CTXND1: variants seen among roughly 807,000 people sequenced by gnomAD.
CTXND1 encodes cortexin domain-containing 1 protein.
chr15:80,247,034 C>T (rs1046612872), intron 1 of CTXND1, among the ~76,000 whole-genome samples: 3 of 152,270 alleles, frequency 2.0e-5, no homozygotes, highest in Admixed American at 1.3e-4. Context: ...GTCAGTATTC[C>T]GCTTTCCATT....
chr15:80,230,796 C>A (rs1227422653), intron 1 of CTXND1, among the ~76,000 whole-genome samples: 2 of 151,888 alleles, frequency 1.3e-5, no homozygotes, highest in Non-Finnish European at 2.9e-5. Context: ...GTGGCTCATG[C>A]CTATAATCTC....
intron 1 of CTXND1, among the ~76,000 whole-genome samples, chr15:80,247,271 A>G (rs1376884348): frequency 1.3e-5 from 2 of 152,114 alleles, no homozygotes; most frequent in Admixed American, 1.3e-4. Context: ...CACCTTAGCA[A>G]CATTCCACGT....
At chr15:80,242,921 C>G (rs1210544668) in intron 1 of CTXND1, among the ~76,000 whole-genome samples, 1 of 152,166 alleles carries the variant, frequency 6.6e-6, no homozygotes, top group Admixed American at 6.5e-5. Flanking sequence ...CCATCTCATG[C>G]ATGTGTGGCT....
chr15:80,232,537 C>T (rs887392168), intron 1 of CTXND1, among the ~76,000 whole-genome samples: 99 of 152,164 alleles, frequency 6.5e-4, no homozygotes, highest in African/African-American at 2.4e-3. Flanking sequence ...GAGTGGAACA[C>T]CATGCATGAG....
At chr15:80,239,556 G>C (rs192192297) in intron 1 of CTXND1, among the ~76,000 whole-genome samples, 264 of 152,278 alleles carry the variant, frequency 1.7e-3, no homozygotes, top group African/African-American at 6.2e-3. Flanking sequence ...TCCTGCCCTC[G>C]AACATCTGAC....
chr15:80,240,197 T>G (rs1893549308), intron 1 of CTXND1, among the ~76,000 whole-genome samples: 1 of 152,164 alleles, frequency 6.6e-6, no homozygotes, highest in Admixed American at 6.5e-5. Context: ...ACTCCTGACC[T>G]CAGGTGATCC....
chr15:80,220,914 T>TA (rs200236896), intron 1 of CTXND1, among the ~76,000 whole-genome samples: 907 of 86,696 alleles, frequency 0.01, 9 homozygotes, highest in Middle Eastern at 0.052. Context: ...TTATTATTAT[T>TA]TTTTTTTTTT....
rs564354693 is a variant in CTXND1, at chr15:80,198,169, A to C, written c.*3601T>G. ...AGTGACCCACCACCGAGGTGTCTTC[A>C]TTGTCCCAAAGACCACTGCTGCAGA... On this transcript the variant is annotated 3_prime_UTR_variant, in exon 3 of 3. Coordinates refer to ENST00000560778, the MANE Select transcript of CTXND1 (RefSeq NM_001352888.2). The C allele has an allele frequency of 6.6e-6, 1 of 152,270 alleles. No individual in the cohort carries two copies. Among genetic ancestry groups the C allele is most frequent in the African/African-American group, 2.4e-5 (1 of 41,526 alleles). 9.4% of individuals were successfully genotyped at this position (152,270 alleles called of 1,614,324 possible). A position where few individuals can be genotyped will look rare whatever the true frequency, so the allele number is the denominator to read the frequency against.
At chr15:80,240,403 C>T (rs530081952) in intron 1 of CTXND1, among the ~76,000 whole-genome samples, 5 of 152,290 alleles carry the variant, frequency 3.3e-5, no homozygotes, top group South Asian at 2.1e-4. Context: ...TTCTGCCAGG[C>T]GTCCCAGATT....
intron 1 of CTXND1, among the ~76,000 whole-genome samples, chr15:80,224,071 G>A (rs1465866503): frequency 6.6e-6 from 1 of 152,182 alleles, no homozygotes; most frequent in African/African-American, 2.4e-5. Context: ...GAGCCGCCAT[G>A]TCAAGAATCA....
chr15:80,215,713 C>G (rs989923946), intron 1 of CTXND1, among the ~76,000 whole-genome samples: 1 of 152,168 alleles, frequency 6.6e-6, no homozygotes, highest in African/African-American at 2.4e-5. Flanking sequence ...CTAGGATCCA[C>G]AGCATTAGGG....
chr15:80,223,481 C>T lies in CTXND1; in HGVS notation c.-217-19741G>A, dbSNP rs1030438913. On this transcript the variant is annotated intron_variant, in intron 1 of 2. Transcript: ENST00000560778. ...CAACTAGTGGACATTTGGGTTGTTT[C>T]TAGTTTGGGACTATGATGAATAGTG... is the stretch of plus-strand genomic sequence containing the variant. Among the ~76,000 whole-genome samples the T allele has an allele frequency of 5.9e-5, 9 of 152,168 alleles. No individual in the cohort carries two copies. The South Asian group carries it at 1.9e-3, about 32-fold the overall frequency.
rs577431605 is a variant in CTXND1, at chr15:80,220,204, C to G, written c.-217-16464G>C. On this transcript the variant is annotated intron_variant, in intron 1 of 2. Transcript: ENST00000560778. ...ATCTATCTATATTAGAATTCTACAA[C>G]TTTGTTTTTCACATTTAGGTTTATA... 1.3e-4 allele frequency among the ~76,000 whole-genome samples: 20 copies of G among 151,826 alleles called. No homozygotes were observed. The South Asian group carries it at 3.7e-3, about 28-fold the overall frequency.
chr15:80,243,785 C>T (rs1893597310), intron 1 of CTXND1, among the ~76,000 whole-genome samples: 3 of 152,176 alleles, frequency 2.0e-5, no homozygotes, highest in Non-Finnish European at 4.4e-5. Flanking sequence ...TCCCTTCAGT[C>T]GTTGAGTCTC....
chr15:80,209,143 G>C (rs1422231818), intron 1 of CTXND1, among the ~76,000 whole-genome samples: 3 of 152,206 alleles, frequency 2.0e-5, no homozygotes, highest in African/African-American at 7.2e-5. Flanking sequence ...ACATATCCCA[G>C]GGGAGGATTA....
At chr15:80,238,305 C>T (rs560682406) in intron 1 of CTXND1, among the ~76,000 whole-genome samples, 11 of 152,138 alleles carry the variant, frequency 7.2e-5, no homozygotes, top group Non-Finnish European at 1.0e-4. Flanking sequence ...TGTACCTTTT[C>T]TATGTTTAGA....
At chr15:80,215,183 G>A (rs1893239270) in intron 1 of CTXND1, among the ~76,000 whole-genome samples, 1 of 152,142 alleles carries the variant, frequency 6.6e-6, no homozygotes, top group South Asian at 2.1e-4. Flanking sequence ...AGTCCATGAA[G>A]CCACCCAATG....
chr15:80,222,550 GGTTT>G (rs2142130871), intron 1 of CTXND1, among the ~76,000 whole-genome samples: 1 of 152,102 alleles, frequency 6.6e-6, no homozygotes, highest in African/African-American at 2.4e-5. Flanking sequence ...TCTTAAAATA[GGTTT>G]GTTTGAATTA....
At chr15:80,209,871 G>A (rs1419272787) in intron 1 of CTXND1, among the ~76,000 whole-genome samples, 1 of 152,200 alleles carries the variant, frequency 6.6e-6, no homozygotes, top group African/African-American at 2.4e-5. Context: ...CCTTGGGCAA[G>A]CCTAATTTAG....
Sources: gnomAD v4.1 joint callset for allele counts (sites outside exome capture counted in the v4.1 genomes callset) on GRCh38, gnomAD v4.1.1 for gene constraint, MANE v1.5 for transcripts, NCBI Gene and HGNC (gene_info 2026-07-23, HGNC 2026-07-21) for gene names.